Variants in GNAL observed in about 807,000 individuals in gnomAD.
The protein encoded by GNAL is guanine nucleotide-binding protein G(olf) subunit alpha.
GNAL carries 18 observed loss-of-function variants against 55.1 expected under a neutral mutation model. That is an observed-to-expected ratio of 0.33 (90% confidence interval 0.23 to 0.48). The LOEUF (loss-of-function observed/expected upper bound fraction) is 0.48. Ranked by LOEUF, GNAL falls within the 20% of genes least tolerant of loss-of-function variation. The pLI, the probability that GNAL is intolerant of heterozygous loss-of-function variation, is 0.99. For missense variants in GNAL, 412 were observed against 614.1 expected, an observed-to-expected ratio of 0.67 and a Z score of 3.48; for synonymous variants, 253 against 237.0, an observed-to-expected ratio of 1.07 and a Z score of -0.62.
chr18:11,862,471 C>A (rs182715517), intron 6 of GNAL, 22 bp downstream of exon 6: 4 of 1,511,104 alleles, frequency 2.6e-6, no homozygotes, highest in Non-Finnish European at 3.7e-6. Flanking sequence ...TAGGGTCCCC[C>A]ACCACACACC....
chr18:11,813,465 G>C (rs963252890), intron 4 of GNAL, among the ~76,000 whole-genome samples: 1 of 152,192 alleles, frequency 6.6e-6, no homozygotes, highest in Non-Finnish European at 1.5e-5. Context: ...TTAGAGGCTT[G>C]TCTGGAAGCA....
intron 5 of GNAL, chr18:11,851,639 G>A: frequency 6.2e-7 from 1 of 1,614,008 alleles, no homozygotes; most frequent in Non-Finnish European, 8.5e-7. Flanking sequence ...ATTCAGAAGG[G>A]CAACATGGAA....
chr18:11,822,087 A>G (rs2035109140), intron 4 of GNAL, among the ~76,000 whole-genome samples: 1 of 152,160 alleles, frequency 6.6e-6, no homozygotes, highest in African/African-American at 2.4e-5. Context: ...TGCGTGTGGC[A>G]CCGCAGGCGC....
rs778395846 is a variant in GNAL, at chr18:11,885,353, G to C, written c.*4218G>C. ...AAATAAGAGAAGATGGCTGAGTATAGCTAATGAATAAATGGTTGTTTCTTT... is the reference window on the plus strand; with the variant it reads ...AAATAAGAGAAGATGGCTGAGTATACCTAATGAATAAATGGTTGTTTCTTT... On this transcript the variant is annotated 3_prime_UTR_variant, in exon 12 of 12. Coordinates refer to ENST00000334049, the MANE Select transcript of GNAL (RefSeq NM_182978.4). The C allele has an allele frequency of 6.3e-5, 20 of 317,344 alleles. No homozygotes were observed. The highest frequency in any genetic ancestry group is 1.1e-4 in the Non-Finnish European group (19 of 168,564). The allele number at this position is 317,344 out of a possible 1,614,324, so 19.7% of individuals were successfully genotyped here.
At chr18:11,880,059 C>A (rs1376606293) in intron 11 of GNAL, among the ~76,000 whole-genome samples, 1 of 150,618 alleles carries the variant, frequency 6.6e-6, no homozygotes, top group African/African-American at 2.4e-5. Context: ...GAGTTCAAGA[C>A]CAGCCTGACC....
At chr18:11,873,847 G>A (rs971553368) in intron 10 of GNAL, among the ~76,000 whole-genome samples, 3 of 150,562 alleles carry the variant, frequency 2.0e-5, no homozygotes, top group East Asian at 1.9e-4. Context: ...TGGCTCGGCG[G>A]CCGGGGGGTC....
At chr18:11,715,689 A>G (rs1049596425) in intron 1 of GNAL, among the ~76,000 whole-genome samples, 6 of 152,062 alleles carry the variant, frequency 3.9e-5, no homozygotes, top group African/African-American at 1.4e-4. Flanking sequence ...TGTTCAAGGA[A>G]TAAGCCACAG....
chr18:11,704,634 G>A (rs952302695), intron 1 of GNAL, among the ~76,000 whole-genome samples: 1 of 152,254 alleles, frequency 6.6e-6, no homozygotes, highest in African/African-American at 2.4e-5. Flanking sequence ...GGGGTCTTTG[G>A]ACTCCGTCTC....
intron 11 of GNAL, 134 bp downstream of exon 11, chr18:11,876,822 T>C (rs1193778528): frequency 1.5e-6 from 1 of 677,582 alleles, no homozygotes; most frequent in East Asian, 2.7e-5. Context: ...GGTATGTTAC[T>C]TTAATTTCAC....
intron 5 of GNAL, among the ~76,000 whole-genome samples, chr18:11,848,879 A>G (rs1029659975): frequency 4.6e-5 from 7 of 152,116 alleles, no homozygotes; most frequent in African/African-American, 1.7e-4. Context: ...TTTTATTCTT[A>G]TTAATTCATG....
At chr18:11,814,950 A>G (rs2034916930) in intron 4 of GNAL, among the ~76,000 whole-genome samples, 1 of 152,050 alleles carries the variant, frequency 6.6e-6, no homozygotes, top group South Asian at 2.1e-4. Flanking sequence ...AGAAGTGGTT[A>G]CCAGAGGTTG....
At chr18:11,767,136 G>C (rs570816841) in intron 4 of GNAL, among the ~76,000 whole-genome samples, 2 of 152,108 alleles carry the variant, frequency 1.3e-5, no homozygotes, top group Non-Finnish European at 2.9e-5. Context: ...TGCCATGCTT[G>C]CACACTTGCA....
Position 11,780,165 on chromosome 18 carries a change from T to G in GNAL, c.624+26220T>G, listed in dbSNP as rs2033889985. 2.0e-5 allele frequency among the ~76,000 whole-genome samples: 3 copies of G among 152,206 alleles called. No individual in the cohort carries two copies. The South Asian group carries it at 6.2e-4, about 31-fold the overall frequency. On this transcript the variant is annotated intron_variant, in intron 4 of 11. Coordinates refer to ENST00000334049, the MANE Select transcript of GNAL (RefSeq NM_182978.4). ...CTGTGACAAGTTTCTATTTTTAATT[T>G]TTTTAACCTCTTTTTATGTGCAGTT...
chr18:11,836,460 TAATA>T (rs942820023), intron 5 of GNAL, among the ~76,000 whole-genome samples: 2 of 151,912 alleles, frequency 1.3e-5, no homozygotes, highest in Non-Finnish European at 1.5e-5. Flanking sequence ...AAAATAATAA[TAATA>T]AATAATAATA....
At chr18:11,817,470 G>A (rs555003422) in intron 4 of GNAL, among the ~76,000 whole-genome samples, 4 of 152,324 alleles carry the variant, frequency 2.6e-5, no homozygotes, top group Middle Eastern at 3.4e-3. Flanking sequence ...TAAGGTAAAC[G>A]TTAACCTCAT....
chr18:11,740,374 T>C (rs1056228710), intron 1 of GNAL, among the ~76,000 whole-genome samples: 3 of 152,128 alleles, frequency 2.0e-5, no homozygotes, highest in African/African-American at 7.2e-5. Flanking sequence ...TCTCTAAGGA[T>C]GACCAAGATC....
chr18:11,797,384 T>C (rs2034418357), intron 4 of GNAL, among the ~76,000 whole-genome samples: 1 of 152,230 alleles, frequency 6.6e-6, no homozygotes, highest in African/African-American at 2.4e-5. Context: ...TTCTTATTAG[T>C]ATTTTTTCCA....
chr18:11,753,632 A>G lies in GNAL; in HGVS notation c.454A>G (p.Lys152Glu). ...AACAACTCTCTTTCAATACAGGGAA[A>G]AGAAACAGAAAATTCTGGACATCCG... is the stretch of plus-strand genomic sequence containing the variant. ...LHVNGFNPEE[K>E]KQKILDIRKN... The change falls in exon 3 of 12, where the codon AAG becomes GAG. Residue 152 changes from lysine to glutamate, a missense_variant. Around this residue, in one of 5 missense-constraint regions of GNAL, gnomAD observed 47 missense variants for 82.7 expected, o/e 0.57. Transcript: ENST00000334049. 1 of 1,581,568 alleles carries G rather than the reference A, an allele frequency of 6.3e-7. No homozygotes were observed. The highest frequency in any genetic ancestry group is 8.7e-7 in the Non-Finnish European group (1 of 1,150,490).
At chr18:11,839,569 A>AT (rs1332000271) in intron 5 of GNAL, among the ~76,000 whole-genome samples, 1 of 150,286 alleles carries the variant, frequency 6.7e-6, no homozygotes, top group African/African-American at 2.4e-5. Context: ...AAAAAAAAAA[A>AT]TTTTTTTTCT....
Sources: gnomAD v4.1 joint callset for allele counts (sites outside exome capture counted in the v4.1 genomes callset) on GRCh38, gnomAD v4.1.1 for gene constraint, gnomAD v4.1.1 regional missense constraint, MANE v1.5 for transcripts, NCBI Gene and HGNC (gene_info 2026-07-23, HGNC 2026-07-21) for gene names.